SNTG1: variants seen among roughly 807,000 people sequenced by gnomAD.
SNTG1 encodes syntrophin gamma 1.
A neutral mutation model predicts 74.7 loss-of-function variants in SNTG1; 39 were observed. The ratio of observed to expected loss-of-function variants is 0.52; its 90% CI spans 0.40 to 0.68. The LOEUF is 0.68. SNTG1 is among the 30% of genes least tolerant of loss of function. The pLI is 0.00. For synonymous variants in SNTG1, 254 were observed against 217.1 expected, an observed-to-expected ratio of 1.17 and a Z score of -1.49; for missense variants, 685 against 609.5, an observed-to-expected ratio of 1.12 and a Z score of -1.30.
In SNTG1 at chr8:50,448,159, A is replaced by AGGGGTGC. The variant is rs2093423285; in HGVS notation, c.220-1506_220-1500dup. 2.6e-5 allele frequency among the ~76,000 whole-genome samples: 4 copies of AGGGGTGC among 152,146 alleles called. No homozygotes were observed. The South Asian group carries it at 8.3e-4, about 32-fold the overall frequency. On this transcript the variant is annotated intron_variant, in intron 5 of 18. Coordinates refer to ENST00000642720, the MANE Select transcript of SNTG1 (RefSeq NM_018967.5). Reference sequence around the variant, plus strand: ...GCCAGTAACTTCCCCCACAGAGCTGAGGGGTGCGGTGCATGAATATTAGGT... The same window carrying AGGGGTGC: ...GCCAGTAACTTCCCCCACAGAGCTGAGGGGTGCGGGGTGCGGTGCATGAATATTAGGT...
chr8:50,395,304 A>G (rs778325564), intron 3 of SNTG1, among the ~76,000 whole-genome samples: 2 of 152,116 alleles, frequency 1.3e-5, no homozygotes, highest in Admixed American at 1.3e-4. Flanking sequence ...CATTTTAAAC[A>G]TATCTCTATG....
intron 4 of SNTG1, among the ~76,000 whole-genome samples, chr8:50,406,282 G>A (rs1250884045): frequency 6.6e-6 from 1 of 151,952 alleles, no homozygotes; most frequent in African/African-American, 2.4e-5. Flanking sequence ...TAAAACCTTA[G>A]TACTTGATAA....
At chr8:50,076,848 C>A (rs1339193023) in intron 1 of SNTG1, among the ~76,000 whole-genome samples, 1 of 152,002 alleles carries the variant, frequency 6.6e-6, no homozygotes, top group Non-Finnish European at 1.5e-5. Flanking sequence ...AGGAGATATC[C>A]AGAACTTTAT....
rs2130594081 is a variant in SNTG1, at chr8:50,013,190, G to A, written c.-103+100959G>A. On this transcript the variant is annotated intron_variant, in intron 1 of 18. Coordinates refer to ENST00000642720, the MANE Select transcript of SNTG1 (RefSeq NM_018967.5). ...ATCTTTATACTGTAGTCTTGCTAGTGTTTAATCTTCATAGAAACAGTACTA... is the reference window on the plus strand; with the variant it reads ...ATCTTTATACTGTAGTCTTGCTAGTATTTAATCTTCATAGAAACAGTACTA... 2.0e-5 allele frequency among the ~76,000 whole-genome samples: 3 copies of A among 152,244 alleles called. No individual in the cohort carries two copies. The South Asian group carries it at 6.2e-4, about 32-fold the overall frequency.
At chr8:50,252,784 A>G (rs186808320) in intron 2 of SNTG1, among the ~76,000 whole-genome samples, 1 of 152,208 alleles carries the variant, frequency 6.6e-6, no homozygotes, top group African/African-American at 2.4e-5. Flanking sequence ...CCATGACTCA[A>G]ACACCTCCCA....
At chr8:50,292,240 C>A (rs1479392102) in intron 2 of SNTG1, among the ~76,000 whole-genome samples, 1 of 151,976 alleles carries the variant, frequency 6.6e-6, no homozygotes, top group East Asian at 1.9e-4. Context: ...CAGGGTGTTC[C>A]AGGTTGGTGC....
chr8:50,265,082 A>C (rs1453153040), intron 2 of SNTG1, among the ~76,000 whole-genome samples: 1 of 152,172 alleles, frequency 6.6e-6, no homozygotes, highest in African/African-American at 2.4e-5. Context: ...AATGTTTTAC[A>C]TATGATTCTA....
intron 2 of SNTG1, among the ~76,000 whole-genome samples, chr8:50,236,524 C>A (rs2085909112): frequency 6.7e-6 from 1 of 150,182 alleles, no homozygotes; most frequent in South Asian, 2.1e-4. Context: ...TATCCCGGCT[C>A]ACTGCAAGCT....
chr8:50,255,146 C>A (rs1186071442), intron 2 of SNTG1, among the ~76,000 whole-genome samples: 1 of 151,918 alleles, frequency 6.6e-6, no homozygotes, highest in Non-Finnish European at 1.5e-5. Flanking sequence ...AGAGAACTAT[C>A]TTTATATCTA....
At chr8:50,749,384 G>A (rs964335296) in intron 17 of SNTG1, among the ~76,000 whole-genome samples, 1 of 152,064 alleles carries the variant, frequency 6.6e-6, no homozygotes, top group Admixed American at 6.6e-5. Flanking sequence ...AAAGTACAAC[G>A]TGAAGCAGCA....
intron 12 of SNTG1, among the ~76,000 whole-genome samples, chr8:50,563,430 CTG>C (rs2094499111): frequency 6.6e-6 from 1 of 152,238 alleles, no homozygotes; most frequent in Admixed American, 6.6e-5. Flanking sequence ...CGTGGGGCCA[CTG>C]TGCTTTAGAG....
At chr8:50,692,807 G>T (rs1218718457) in intron 15 of SNTG1, among the ~76,000 whole-genome samples, 1 of 152,206 alleles carries the variant, frequency 6.6e-6, no homozygotes, top group Admixed American at 6.5e-5. Context: ...GTCTGCAGAG[G>T]TTACTGCTGT....
intron 1 of SNTG1, among the ~76,000 whole-genome samples, chr8:50,106,668 G>T (rs558654040): frequency 5.3e-5 from 8 of 152,114 alleles, no homozygotes; most frequent in South Asian, 2.1e-4. Flanking sequence ...TGAGATGATC[G>T]TGTGTTTCTG....
chr8:50,651,810 G>A lies in SNTG1; in HGVS notation c.850-5099G>A, dbSNP rs183752191. On this transcript the variant is annotated intron_variant, in intron 13 of 18. Transcript: ENST00000642720. ...ATTTATTTTTTTGAGACAGAGTTTC[G>A]CTCTTGTTGCCCAGGCTGGAGTGCA... Among the ~76,000 whole-genome samples the A allele has an allele frequency of 4.5e-3, 674 of 150,396 alleles. 4 individuals carry two copies. The highest frequency in any genetic ancestry group is 5.9e-3 in the Non-Finnish European group (402 of 67,748).
At chr8:50,513,303 G>A (rs977887362) in intron 9 of SNTG1, among the ~76,000 whole-genome samples, 15 of 152,164 alleles carry the variant, frequency 9.9e-5, no homozygotes, top group East Asian at 1.9e-4. Context: ...GTACCTGGCC[G>A]TGTGAGGTGT....
At chr8:50,531,979 C>T (rs2094272308) in intron 10 of SNTG1, among the ~76,000 whole-genome samples, 1 of 152,106 alleles carries the variant, frequency 6.6e-6, no homozygotes, top group African/African-American at 2.4e-5. Context: ...AGAATAATGT[C>T]CTTCCTTATA....
chr8:50,254,690 A>C (rs1265754716), intron 2 of SNTG1, among the ~76,000 whole-genome samples: 1 of 152,050 alleles, frequency 6.6e-6, no homozygotes, highest in African/African-American at 2.4e-5. Flanking sequence ...TACTAAAAAT[A>C]CAAAAATTAG....
intron 18 of SNTG1, among the ~76,000 whole-genome samples, chr8:50,790,379 G>A (rs554052678): frequency 7.9e-5 from 12 of 151,934 alleles, no homozygotes; most frequent in African/African-American, 2.9e-4. Context: ...CTTATATTTA[G>A]TGATATCTGA....
intron 13 of SNTG1, among the ~76,000 whole-genome samples, chr8:50,639,343 G>T (rs2095057994): frequency 6.6e-6 from 1 of 151,298 alleles, no homozygotes. Context: ...TTAATAATTT[G>T]CATCCCTTCA....
Sources: allele counts gnomAD v4.1 joint callset (sites outside exome capture counted in the v4.1 genomes callset), GRCh38; gene constraint gnomAD v4.1.1; transcripts MANE v1.5; gene names NCBI Gene and HGNC (gene_info 2026-07-23, HGNC 2026-07-21).